MYT1L: variants seen among roughly 807,000 people sequenced by gnomAD.
MYT1L encodes myelin transcription factor 1-like protein.
A neutral mutation model predicts 126.7 loss-of-function variants in MYT1L; 12 were observed. That is an observed-to-expected ratio of 0.09 (90% CI 0.06 to 0.15). MYT1L has a LOEUF of 0.15. Among genes scored for constraint, MYT1L ranks in the 10% least tolerant of loss-of-function variants. MYT1L has a pLI of 1.00. For missense variants in MYT1L, 979 were observed against 1,585.2 expected, an observed-to-expected ratio of 0.62 and a Z score of 6.49; for synonymous variants, 541 against 604.2, an observed-to-expected ratio of 0.90 and a Z score of 1.53.
At chr2:1,924,755 T>A (rs2054008819) in intron 9 of MYT1L, among the ~76,000 whole-genome samples, 1 of 152,208 alleles carries the variant, frequency 6.6e-6, no homozygotes, top group South Asian at 2.1e-4. Flanking sequence ...ATAATTCCTA[T>A]AAATCATCTT....
intron 2 of MYT1L, among the ~76,000 whole-genome samples, chr2:2,282,325 G>A (rs116780046): frequency 0.012 from 1,884 of 152,278 alleles, 30 homozygotes; most frequent in African/African-American, 0.043. Flanking sequence ...AAATTTAGAA[G>A]ATATTTTGAA....
chr2:2,160,810 C>T (rs771054392), intron 3 of MYT1L, among the ~76,000 whole-genome samples: 1 of 152,106 alleles, frequency 6.6e-6, no homozygotes, highest in Non-Finnish European at 1.5e-5. Flanking sequence ...AGAAATAAGT[C>T]ACAAGACATA....
At chr2:1,923,974 G>A (rs1393761665) in intron 9 of MYT1L, among the ~76,000 whole-genome samples, 1 of 152,204 alleles carries the variant, frequency 6.6e-6, no homozygotes, top group African/African-American at 2.4e-5. Flanking sequence ...AGGTTTGAAA[G>A]TGAGAGAGAG....
At chr2:1,890,945 C>G (rs1211885796) in intron 15 of MYT1L, among the ~76,000 whole-genome samples, 3 of 151,496 alleles carry the variant, frequency 2.0e-5, no homozygotes, top group Non-Finnish European at 4.4e-5. Context: ...GATTTATTCT[C>G]TCAGTCTTAG....
chr2:2,284,139 T>C lies in MYT1L; in HGVS notation c.-421+265A>G, dbSNP rs543757013. Reference sequence around the variant, plus strand: ...CTTGGTTCAGTTCATTTATGAAATATTTAGATTATAGGTGATGCTTTCATC... The same window carrying C: ...CTTGGTTCAGTTCATTTATGAAATACTTAGATTATAGGTGATGCTTTCATC... On this transcript the variant is annotated intron_variant, in intron 2 of 24. Transcript: ENST00000647738. Among the ~76,000 whole-genome samples the C allele has an allele frequency of 6.6e-5, 10 of 152,310 alleles. No homozygotes were observed. In the South Asian group the frequency reaches 2.1e-3, roughly 32 times the overall value.
rs563770458 is a variant in MYT1L, at chr2:2,190,189, G to C, written c.-420-17201C>G. ...TATTGGAAGAAGGACGGGCACAGTG[G>C]CTCATGCCTGTAGTCCCAGCACTCT... On this transcript the variant is annotated intron_variant, in intron 2 of 24. Transcript: ENST00000647738. Among the ~76,000 whole-genome samples, 26 of 151,374 alleles carry C rather than the reference G, an allele frequency of 1.7e-4. No homozygotes were observed. The South Asian group carries it at 5.4e-3, about 31-fold the overall frequency.
At chr2:1,961,669 T>G (rs757523137) in intron 8 of MYT1L, among the ~76,000 whole-genome samples, 1 of 152,194 alleles carries the variant, frequency 6.6e-6, no homozygotes, top group Non-Finnish European at 1.5e-5. Flanking sequence ...GGCCTAAATG[T>G]CTATGATTTT....
At chr2:1,991,672 C>G (rs1341300985) in intron 5 of MYT1L, among the ~76,000 whole-genome samples, 1 of 152,172 alleles carries the variant, frequency 6.6e-6, no homozygotes, top group African/African-American at 2.4e-5. Context: ...GGTTCGCCTC[C>G]TGCTTTCCTT....
intron 18 of MYT1L, among the ~76,000 whole-genome samples, chr2:1,872,452 C>T (rs1433414359): frequency 6.6e-6 from 1 of 152,180 alleles, no homozygotes; most frequent in Non-Finnish European, 1.5e-5. Context: ...ACTAGATCAG[C>T]CATGGGCTTG....
At chr2:1,840,881 G>A (rs371799418) in intron 19 of MYT1L, 38 bp from the exon 20 acceptor site, 40 of 1,181,930 alleles carry the variant, frequency 3.4e-5, no homozygotes, top group Admixed American at 9.7e-5. Context: ...ACCCCACACC[G>A]TTGATTTCAG....
In MYT1L at chr2:1,910,695, CTT is replaced by C. The variant is rs2051840747; in HGVS notation, c.1710-350_1710-349del. Among the ~76,000 whole-genome samples, 1 of 152,114 alleles carries C rather than the reference CTT, an allele frequency of 6.6e-6. No individual in the cohort carries two copies. Among genetic ancestry groups the C allele is most frequent in the Non-Finnish European group, 1.5e-5 (1 of 68,014 alleles). ...ATTTCTGGAGATGAAGAATTAACAG[CTT>C]GGGTAGGATGAGTTTTGAAGCCCCA... On this transcript the variant is annotated intron_variant, in intron 12 of 24. Coordinates refer to ENST00000647738, the MANE Select transcript of MYT1L (RefSeq NM_001303052.2). The surrounding 1 kb of genome is among the most constrained non-coding windows in gnomAD (Gnocchi z 4.8).
At chr2:2,231,512 A>G (rs2094161328) in intron 2 of MYT1L, among the ~76,000 whole-genome samples, 1 of 152,118 alleles carries the variant, frequency 6.6e-6, no homozygotes, top group Non-Finnish European at 1.5e-5. Context: ...AACACAGCTC[A>G]CTGTAACTTC....
chr2:2,295,289 C>T (rs1289435525), intron 1 of MYT1L, among the ~76,000 whole-genome samples: 1 of 152,102 alleles, frequency 6.6e-6, no homozygotes, highest in Non-Finnish European at 1.5e-5. Flanking sequence ...GCATTGAAGC[C>T]AGGGACAGGG....
At chr2:2,159,512 G>A (rs943663699) in intron 3 of MYT1L, among the ~76,000 whole-genome samples, 12 of 151,984 alleles carry the variant, frequency 7.9e-5, no homozygotes, top group South Asian at 2.1e-4. Flanking sequence ...ATCCCCAGAC[G>A]CTGGGGAGCA....
intron 2 of MYT1L, among the ~76,000 whole-genome samples, chr2:2,255,804 C>G (rs527783676): frequency 6.6e-6 from 1 of 152,110 alleles, no homozygotes; most frequent in Non-Finnish European, 1.5e-5. Flanking sequence ...TTTCTAGTCC[C>G]GCTGCTTTCT....
At chr2:2,307,181 C>T (rs560811447) in intron 1 of MYT1L, among the ~76,000 whole-genome samples, 3 of 152,012 alleles carry the variant, frequency 2.0e-5, no homozygotes, top group South Asian at 2.1e-4. Flanking sequence ...TGAGAATGGG[C>T]GGGGAATTAC....
chr2:2,013,507 G>A (rs1309216520), intron 4 of MYT1L, among the ~76,000 whole-genome samples: 1 of 152,232 alleles, frequency 6.6e-6, no homozygotes, highest in Admixed American at 6.5e-5. Context: ...ACTGGAGCCT[G>A]GAACCGGAGG....
chr2:2,067,095 A>T (rs2073973670), intron 3 of MYT1L, among the ~76,000 whole-genome samples: 1 of 152,236 alleles, frequency 6.6e-6, no homozygotes, highest in South Asian at 2.1e-4. Context: ...ATAGGTGTAC[A>T]CGAAGAAGTA....
chr2:1,930,820 A>G (rs978676449), intron 9 of MYT1L, among the ~76,000 whole-genome samples: 1 of 152,156 alleles, frequency 6.6e-6, no homozygotes. Flanking sequence ...GGTTTGTTTT[A>G]TAGGTAAACG....
Sources: gnomAD v4.1 joint callset for allele counts (sites outside exome capture counted in the v4.1 genomes callset) on GRCh38, gnomAD v4.1.1 for gene constraint, Gnocchi (gnomAD v3.1) non-coding constraint, MANE v1.5 for transcripts, NCBI Gene and HGNC (gene_info 2026-07-23, HGNC 2026-07-21) for gene names.